Variants in VAC14 observed in about 807,000 individuals in gnomAD.
The protein encoded by VAC14 is protein VAC14 homolog.
VAC14 carries 47 observed loss-of-function variants against 85.3 expected under a neutral mutation model. That is an observed-to-expected ratio of 0.55 (90% CI 0.44 to 0.70). The LOEUF is 0.70. Among genes scored for constraint, VAC14 ranks in the 30% least tolerant of loss-of-function variants. The probability of loss-of-function intolerance (pLI) is 0.00; values close to 1 mark genes in which losing one functional copy is unlikely to be tolerated. For missense variants in VAC14, 861 were observed against 1,004.3 expected, an observed-to-expected ratio of 0.86 and a Z score of 1.93; for synonymous variants, 447 against 430.5, an observed-to-expected ratio of 1.04 and a Z score of -0.47.
chr16:70,797,779 T>C (rs1258285109), intron 1 of VAC14, among the ~76,000 whole-genome samples: 1 of 152,084 alleles, frequency 6.6e-6, no homozygotes, highest in Admixed American at 6.5e-5. Flanking sequence ...TGATAGTGAG[T>C]TCTCAAGAGA....
chr16:70,688,942 T>C, intron 18 of VAC14: 1 of 985,508 alleles, frequency 1.0e-6, no homozygotes, highest in Non-Finnish European at 1.2e-6. Flanking sequence ...GGCTAGGAAG[T>C]ATCTGTTTCC....
At chr16:70,766,639 A>G (rs1026322421) in intron 10 of VAC14, 8 of 394,582 alleles carry the variant, frequency 2.0e-5, no homozygotes, top group Non-Finnish European at 4.1e-5. Context: ...GAGGCCATGT[A>G]CCAAGCAGTC....
chr16:70,759,495 G>T (rs2032142229), intron 12 of VAC14, among the ~76,000 whole-genome samples: 2 of 152,176 alleles, frequency 1.3e-5, no homozygotes, highest in African/African-American at 4.8e-5. Flanking sequence ...AGGTGTGGTG[G>T]TACATGCCTG....
Position 70,801,154 on chromosome 16 carries a change from G to T in VAC14, c.-254C>A. ...TCACGAGACAGCGGCCATGTTACTCGAGTCACATGACTCTACAGCACTTCC... is the reference window on the plus strand; with the variant it reads ...TCACGAGACAGCGGCCATGTTACTCTAGTCACATGACTCTACAGCACTTCC... On this transcript the variant is annotated 5_prime_UTR_variant, in exon 1 of 19. Transcript: ENST00000261776. The T allele has an allele frequency of 7.4e-6, 3 of 405,298 alleles. No individual in the cohort carries two copies. The highest frequency in any genetic ancestry group is 1.3e-5 in the Non-Finnish European group (3 of 229,102). The allele number at this position is 405,298 out of a possible 1,614,324, so 25.1% of individuals were successfully genotyped here.
At chr16:70,690,778 C>A (rs991928256) in intron 18 of VAC14, 4 of 985,408 alleles carry the variant, frequency 4.1e-6, no homozygotes, top group African/African-American at 3.5e-5. Flanking sequence ...CAATCTGACC[C>A]CTCCCCCAGC....
chr16:70,705,423 T>A (rs1187538862), intron 14 of VAC14, among the ~76,000 whole-genome samples: 1 of 152,254 alleles, frequency 6.6e-6, no homozygotes, highest in South Asian at 2.1e-4. Context: ...TGGGCCAACC[T>A]GGCGCTCAAG....
chr16:70,789,397 T>G (rs1276099917), intron 1 of VAC14, among the ~76,000 whole-genome samples: 1 of 152,210 alleles, frequency 6.6e-6, no homozygotes, highest in Non-Finnish European at 1.5e-5. Context: ...GCAACTGTGC[T>G]GATGTGGCAG....
intron 12 of VAC14, among the ~76,000 whole-genome samples, chr16:70,756,556 G>A (rs1369898304): frequency 6.6e-6 from 1 of 152,186 alleles, no homozygotes; most frequent in African/African-American, 2.4e-5. Context: ...CAAGACCAAG[G>A]AGGGCTGGAT....
intron 14 of VAC14, among the ~76,000 whole-genome samples, chr16:70,720,640 T>C (rs1382574931): frequency 3.9e-5 from 6 of 152,114 alleles, no homozygotes; most frequent in Non-Finnish European, 5.9e-5. Context: ...ATAGCAAGCC[T>C]GGGGGCAGAA....
chr16:70,793,721 T>C (rs1443791770), intron 1 of VAC14, among the ~76,000 whole-genome samples: 2 of 152,216 alleles, frequency 1.3e-5, no homozygotes, highest in African/African-American at 4.8e-5. Context: ...TGTAGGTGGG[T>C]TAATCATGAC....
intron 14 of VAC14, among the ~76,000 whole-genome samples, chr16:70,717,367 G>C (rs2054189108): frequency 6.6e-6 from 1 of 152,234 alleles, no homozygotes; most frequent in African/African-American, 2.4e-5. Flanking sequence ...TTGAGGACAG[G>C]AGGTGGCCTG....
At chr16:70,747,204 C>G (rs8058438) in intron 12 of VAC14, 1 of 151,890 alleles carries the variant, frequency 6.6e-6, no homozygotes, top group Non-Finnish European at 1.5e-5. Context: ...AAACACCTGC[C>G]GAGAAGCCAG....
intron 14 of VAC14, among the ~76,000 whole-genome samples, chr16:70,705,648 T>C (rs1296310561): frequency 6.6e-6 from 1 of 152,096 alleles, no homozygotes; most frequent in Non-Finnish European, 1.5e-5. Context: ...GCGTGGAGGC[T>C]GGGGGCGCCT....
At chr16:70,722,207 G>A (rs1408639295) in intron 14 of VAC14, among the ~76,000 whole-genome samples, 1 of 152,256 alleles carries the variant, frequency 6.6e-6, no homozygotes, top group African/African-American at 2.4e-5. Context: ...CCGCTTTGGT[G>A]GCCATCCCCG....
intron 18 of VAC14, among the ~76,000 whole-genome samples, chr16:70,692,498 C>G (rs1203211540): frequency 6.6e-6 from 1 of 152,180 alleles, no homozygotes; most frequent in African/African-American, 2.4e-5. Flanking sequence ...CTCCAGGGTC[C>G]TCTGTCTGGG....
At chr16:70,738,598 G>T (rs1413440037) in intron 13 of VAC14, among the ~76,000 whole-genome samples, 1 of 152,178 alleles carries the variant, frequency 6.6e-6, no homozygotes, top group East Asian at 1.9e-4. Flanking sequence ...GAGCAGGGGG[G>T]CTGGACTGCT....
chr16:70,784,691 A>G, intron 4 of VAC14, 85 bp downstream of exon 4: 1 of 1,270,844 alleles, frequency 7.9e-7, no homozygotes, highest in Non-Finnish European at 1.1e-6. Context: ...CAAGAAGAAC[A>G]TTCCCAATGA....
intron 14 of VAC14, chr16:70,731,153 C>T (rs1353090852): frequency 2.8e-5 from 13 of 463,262 alleles, no homozygotes; most frequent in Non-Finnish European, 3.6e-5. Flanking sequence ...GGAGCACAGC[C>T]CCATGTCCCA....
intron 14 of VAC14, among the ~76,000 whole-genome samples, chr16:70,707,080 G>T (rs1482231590): frequency 6.6e-6 from 1 of 152,218 alleles, no homozygotes; most frequent in East Asian, 1.9e-4. Flanking sequence ...GATAGGGAGA[G>T]GAGGGAGTAG....
Sources: gnomAD v4.1 joint callset for allele counts (sites outside exome capture counted in the v4.1 genomes callset) on GRCh38, gnomAD v4.1.1 for gene constraint, MANE v1.5 for transcripts, NCBI Gene and HGNC (gene_info 2026-07-23, HGNC 2026-07-21) for gene names.